The following FRAS1 variants were observed in gnomAD, a reference collection of about 807,000 sequenced individuals.
FRAS1 encodes Fraser extracellular matrix complex subunit 1, also known as extracellular matrix organizing protein FRAS1.
A neutral mutation model predicts 435.2 loss-of-function variants in FRAS1; 290 were observed. The ratio of observed to expected loss-of-function variants is 0.67; its 90% CI spans 0.61 to 0.73. The LOEUF (loss-of-function observed/expected upper bound fraction) is 0.73. Among genes scored for constraint, FRAS1 ranks in the 30% least tolerant of loss-of-function variants. The pLI, the probability that FRAS1 is intolerant of heterozygous loss-of-function variation, is 0.00. For synonymous variants in FRAS1, 1,800 were observed against 1,851.0 expected (o/e 0.97, Z 0.71); for missense variants, 4,860 against 5,001.5 (o/e 0.97, Z 0.85).
In FRAS1 at chr4:78,181,727, C is replaced by G. The variant is rs147856662; in HGVS notation, c.109-55783C>G. On this transcript the variant is annotated intron_variant, in intron 2 of 73. Transcript: ENST00000512123. ...TTGATCAGGTCTTCTTCCAACTCGT[C>G]TTATTCCTTCTTTCTTAAGCGCCAC... 6.3e-4 allele frequency: 1,012 copies of G among 1,610,388 alleles called. 8 individuals are homozygous for G. In the African/African-American group the frequency reaches 0.012, roughly 19 times the overall value.
rs534804168 is a variant in FRAS1 at position 78,362,372 on chromosome 4, C to T, written c.2423-1141C>T. On this transcript the variant is annotated intron_variant, in intron 20 of 73. Coordinates refer to ENST00000512123, the MANE Select transcript of FRAS1 (RefSeq NM_025074.7). ...GCAGGATTTTTCTCAGCTTGTTTGC[C>T]GGACTCATGGCAGCGGCACCTCATT... 9.2e-5 allele frequency among the ~76,000 whole-genome samples: 14 copies of T among 152,300 alleles called. No homozygotes were observed. In the East Asian group the frequency reaches 1.7e-3, roughly 19 times the overall value.
chr4:78,115,751 T>C (rs923980564), intron 2 of FRAS1, among the ~76,000 whole-genome samples: 2 of 152,212 alleles, frequency 1.3e-5, no homozygotes, highest in Admixed American at 6.5e-5. Context: ...TAGTGGTCTA[T>C]CAATTTTGTT....
Position 78,424,395 on chromosome 4 carries a change from A to G in FRAS1, c.4686A>G (p.Pro1562=). The part of the protein sequence containing the change: ...ELMAFSFAGL[P]ESVKFHFTVS... Reference sequence around the variant, plus strand: ...TCTCTCTTACTCTTTTAGGTCTCCCAGAATCAGTGAAATTCCACTTCACAG... The same window carrying G: ...TCTCTCTTACTCTTTTAGGTCTCCCGGAATCAGTGAAATTCCACTTCACAG... The change falls in exon 35 of 74, where the codon CCA becomes CCG. Residue 1562 remains proline, a synonymous_variant. Transcript: ENST00000512123. 1 of 1,468,546 alleles carries G rather than the reference A, an allele frequency of 6.8e-7. No individual in the cohort carries two copies. The highest frequency in any genetic ancestry group is 9.1e-7 in the Non-Finnish European group (1 of 1,100,800). The allele number at this position is 1,468,546 out of a possible 1,614,324, so 91.0% of individuals were successfully genotyped here. A position where few individuals can be genotyped will look rare whatever the true frequency, so the allele number is the denominator to read the frequency against.
intron 2 of FRAS1, among the ~76,000 whole-genome samples, chr4:78,098,437 G>A (rs1158169262): frequency 6.6e-6 from 1 of 151,944 alleles, no homozygotes; most frequent in Non-Finnish European, 1.5e-5. Context: ...ACTACAGCTG[G>A]CTAATTTTTG....
intron 2 of FRAS1, among the ~76,000 whole-genome samples, chr4:78,116,676 T>C (rs2109953524): frequency 6.6e-6 from 1 of 152,312 alleles, no homozygotes; most frequent in Middle Eastern, 3.4e-3. Context: ...TGTTTTCCAT[T>C]TGCTTGGTAG....
chr4:78,394,645 C>T (rs1732584092), intron 29 of FRAS1, among the ~76,000 whole-genome samples: 1 of 151,980 alleles, frequency 6.6e-6, no homozygotes, highest in Admixed American at 6.6e-5. Context: ...AAGTGTGAGG[C>T]CACCAGCTTT....
intron 2 of FRAS1, among the ~76,000 whole-genome samples, chr4:78,132,964 C>T (rs1222306609): frequency 6.6e-6 from 1 of 152,172 alleles, no homozygotes; most frequent in African/African-American, 2.4e-5. Context: ...CTTCTCAGCC[C>T]TCCTTTCATA....
At chr4:78,288,946 C>A (rs1249553438) in intron 14 of FRAS1, among the ~76,000 whole-genome samples, 2 of 152,174 alleles carry the variant, frequency 1.3e-5, no homozygotes, top group Non-Finnish European at 2.9e-5. Flanking sequence ...TTTATGGTAA[C>A]AACAGGTTTT....
chr4:78,534,954 C>A (rs1000099513), intron 71 of FRAS1, among the ~76,000 whole-genome samples: 2 of 152,178 alleles, frequency 1.3e-5, no homozygotes, highest in Non-Finnish European at 2.9e-5. Flanking sequence ...GCCTCCCAGT[C>A]TCAAAACGAT....
intron 2 of FRAS1, among the ~76,000 whole-genome samples, chr4:78,114,330 T>C (rs1318688790): frequency 2.6e-5 from 4 of 152,204 alleles, no homozygotes; most frequent in Non-Finnish European, 5.9e-5. Flanking sequence ...TTTGGTTCCA[T>C]ATGAACTTTA....
In FRAS1 at chr4:78,496,882, T is replaced by C. The variant is rs1206034404; in HGVS notation, c.9036T>C (p.Leu3012=). ...AACAGTTCAGGGTCTACCTCGGCCT[T>C]CCTCTTGGAAACCACTGGAGTGGAG... ...PEEQFRVYLG[L]PLGNHWSGAR... The change falls in exon 60 of 74, where the codon CTT becomes CTC. Residue 3012 remains leucine, a synonymous_variant. Coordinates refer to ENST00000512123, the MANE Select transcript of FRAS1 (RefSeq NM_025074.7). The C allele has an allele frequency of 6.2e-7, 1 of 1,613,822 alleles. No homozygotes were observed. Among genetic ancestry groups the C allele is most frequent in the Non-Finnish European group, 8.5e-7 (1 of 1,179,726 alleles).
At chr4:78,467,442 A>T (rs6849649) in intron 50 of FRAS1, among the ~76,000 whole-genome samples, 49,608 of 152,032 alleles carry the variant, frequency 0.33, 8,799 homozygotes, top group Admixed American at 0.41. Context: ...CATTGTGTAT[A>T]TGTACCACAT....
At chr4:78,340,545 G>T (rs573219505) in intron 20 of FRAS1, among the ~76,000 whole-genome samples, 1 of 152,308 alleles carries the variant, frequency 6.6e-6, no homozygotes, top group Admixed American at 6.5e-5. Flanking sequence ...GCCAGGCATT[G>T]TACTGGGCTC....
intron 36 of FRAS1, 99 bp from the exon 37 acceptor site, chr4:78,430,193 C>A: frequency 1.4e-6 from 2 of 1,420,792 alleles, no homozygotes; most frequent in Non-Finnish European, 2.0e-6. Flanking sequence ...TCAGATTACC[C>A]ACAGCATGAC....
chr4:78,539,198 G>C, intron 72 of FRAS1, 96 bp from the exon 73 acceptor site: 2 of 1,193,596 alleles, frequency 1.7e-6, no homozygotes, highest in Non-Finnish European at 2.4e-6. Context: ...CTAAAGCCAG[G>C]AGTGATGAGT....
chr4:78,368,256 G>A (rs1427610842), intron 22 of FRAS1, among the ~76,000 whole-genome samples: 6 of 123,896 alleles, frequency 4.8e-5, no homozygotes, highest in Non-Finnish European at 1.0e-4. Flanking sequence ...ATTTTCCCAG[G>A]ACCTTAAATT....
intron 35 of FRAS1, among the ~76,000 whole-genome samples, chr4:78,428,048 A>ATCCC (rs1734062200): frequency 1.3e-5 from 2 of 152,328 alleles, no homozygotes; most frequent in Admixed American, 1.3e-4. Flanking sequence ...TGATGCAAAT[A>ATCCC]TCCCTCCAAA....
At chr4:78,362,928 A>G (rs1197958967) in intron 20 of FRAS1, among the ~76,000 whole-genome samples, 2 of 152,190 alleles carry the variant, frequency 1.3e-5, no homozygotes, top group Non-Finnish European at 2.9e-5. Context: ...GCAACATTCA[A>G]TTGGTAAAAA....
intron 34 of FRAS1, 84 bp downstream of exon 34, chr4:78,422,084 C>G: frequency 2.9e-6 from 4 of 1,356,786 alleles, no homozygotes; most frequent in Non-Finnish European, 1.9e-6. Context: ...TCCCTGCAGT[C>G]CTCTGGACCA....
Sources: gnomAD v4.1 joint callset for allele counts (sites outside exome capture counted in the v4.1 genomes callset) on GRCh38, gnomAD v4.1.1 for gene constraint, MANE v1.5 for transcripts, NCBI Gene and HGNC (gene_info 2026-07-23, HGNC 2026-07-21) for gene names.